The following DNAJC13 variants were observed in gnomAD, a reference collection of about 807,000 sequenced individuals.
DNAJC13 encodes the protein DnaJ heat shock protein family (Hsp40) member C13.
DNAJC13 carries 75 observed loss-of-function variants against 290.5 expected under a neutral mutation model. The ratio of observed to expected loss-of-function variants is 0.26; its 90% confidence interval spans 0.21 to 0.31. The LOEUF (loss-of-function observed/expected upper bound fraction) is 0.31. DNAJC13 is among the 10% of genes least tolerant of loss of function. The probability of loss-of-function intolerance (pLI) is 1.00; values close to 1 mark genes in which losing one functional copy is unlikely to be tolerated. For synonymous variants in DNAJC13, 862 were observed against 892.0 expected, an observed-to-expected ratio of 0.97 and a Z score of 0.60; for missense variants, 2,260 against 2,674.5, an observed-to-expected ratio of 0.85 and a Z score of 3.42.
intron 46 of DNAJC13, chr3:132,514,918 T>TAATGATACGGC: frequency 5.1e-6 from 1 of 195,434 alleles, no homozygotes; most frequent in Non-Finnish European, 9.0e-6. Context: ...ATTTTCAGTT[T>TAATGATACGGC]GTTGAGATCT....
In DNAJC13 at chr3:132,417,573, A is replaced by C. The variant is rs1212399130; in HGVS notation, c.-201A>C. 6.6e-6 allele frequency: 1 copy of C among 150,666 alleles called. No individual in the cohort carries two copies. Among genetic ancestry groups the C allele is most frequent in the Non-Finnish European group, 1.5e-5 (1 of 67,876 alleles). The allele number at this position is 150,666 out of a possible 1,614,324, so 9.3% of individuals were successfully genotyped here. ...TGAAACTCTGAGAGGCAGAGGGAGG[A>C]GGCGGAGGGGGCGGGGAGGCAGCGC... On this transcript the variant is annotated 5_prime_UTR_variant, in exon 1 of 56. Transcript: ENST00000260818.
chr3:132,468,666 T>C (rs1934082794), intron 20 of DNAJC13, among the ~76,000 whole-genome samples: 1 of 152,094 alleles, frequency 6.6e-6, no homozygotes, highest in Non-Finnish European at 1.5e-5. Flanking sequence ...ATACCTCCCT[T>C]CTCTATCTTA....
At chr3:132,427,075 ATGTGTGTGTGTGTG>A (rs10576541) in intron 1 of DNAJC13, among the ~76,000 whole-genome samples, 7 of 140,788 alleles carry the variant, frequency 5.0e-5, no homozygotes, top group Non-Finnish European at 1.1e-4. Context: ...ATATATACAT[ATGTGTGTGTGTGTG>A]TGTGTGTGTG....
intron 36 of DNAJC13, among the ~76,000 whole-genome samples, chr3:132,498,877 G>T (rs1222153354): frequency 6.6e-6 from 1 of 151,702 alleles, no homozygotes; most frequent in African/African-American, 2.4e-5. Flanking sequence ...CACCACACCC[G>T]GCTAACTTTT....
intron 29 of DNAJC13, among the ~76,000 whole-genome samples, 185 bp downstream of exon 29, chr3:132,484,857 C>G (rs1934800859): frequency 6.6e-6 from 1 of 152,054 alleles, no homozygotes; most frequent in African/African-American, 2.4e-5. Flanking sequence ...TTGCTTGAGT[C>G]AAGGAGTTCG....
At chr3:132,418,039 C>T (rs1409917852) in intron 1 of DNAJC13, among the ~76,000 whole-genome samples, 2 of 152,128 alleles carry the variant, frequency 1.3e-5, no homozygotes, top group Non-Finnish European at 2.9e-5. Context: ...CTCCACTCGC[C>T]TTAACATATC....
Position 132,511,099 on chromosome 3 carries a change from T to C in DNAJC13, c.5148T>C (p.Asp1716=). Residue 1716 remains aspartate, a synonymous_variant, in exon 44 of 56, where the codon GAT becomes GAC. Coordinates refer to ENST00000260818, the MANE Select transcript of DNAJC13 (RefSeq NM_015268.4). The part of the protein sequence containing the change: ...VPKAFAASLL[D]YIGSQAQYLH... ...AAGCATTTGCTGCAAGTCTCTTGGA[T>C]TATATAGGCTCGCAGGCCCAATACT... 1.2e-6 allele frequency: 2 copies of C among 1,613,920 alleles called. No homozygotes were observed. Among genetic ancestry groups the C allele is most frequent in the Non-Finnish European group, 1.7e-6 (2 of 1,179,840 alleles).
Position 132,538,341 on chromosome 3 carries a change from C to A in DNAJC13, c.*59C>A. Reference sequence around the variant, plus strand: ...CAGTGCCAAGTCCACATTCCTCCAGCTGATACGTTGAAGCAAACTCTTACT... The same window carrying A: ...CAGTGCCAAGTCCACATTCCTCCAGATGATACGTTGAAGCAAACTCTTACT... On this transcript the variant is annotated 3_prime_UTR_variant, in exon 56 of 56. Transcript: ENST00000260818. The A allele has an allele frequency of 7.2e-7, 1 of 1,385,622 alleles. No individual in the cohort carries two copies. The highest frequency in any genetic ancestry group is 1.0e-6 in the Non-Finnish European group (1 of 985,872). 85.8% of individuals were successfully genotyped at this position (1,385,622 alleles called of 1,614,324 possible). A position where few individuals can be genotyped will look rare whatever the true frequency, so the allele number is the denominator to read the frequency against.
chr3:132,488,275 A>T lies in DNAJC13; in HGVS notation c.3268-23A>T. 4 of 1,570,736 alleles carry T rather than the reference A, an allele frequency of 2.5e-6. No homozygotes were observed. The South Asian group carries it at 4.8e-5, about 19-fold the overall frequency. On this transcript the variant is annotated intron_variant, in intron 29 of 55. Coordinates refer to ENST00000260818, the MANE Select transcript of DNAJC13 (RefSeq NM_015268.4). ...GATGCAGGTTTTTTACAACCCAATA[A>T]AAACATTTTAATTTTTTTTCAGCTA...
At chr3:132,495,057 ATACTC>A (rs1559897204) in intron 34 of DNAJC13, 26 bp from the exon 35 acceptor site, 1 of 1,520,020 alleles carries the variant, frequency 6.6e-7, no homozygotes, top group East Asian at 2.3e-5. Context: ...GTGCCTTACT[ATACTC>A]ATAAAACAAT....
intron 43 of DNAJC13, among the ~76,000 whole-genome samples, chr3:132,508,428 T>G (rs1027910974): frequency 6.6e-6 from 1 of 152,244 alleles, no homozygotes; most frequent in African/African-American, 2.4e-5. Flanking sequence ...AATGTCTGGC[T>G]TCAAAGCTTC....
chr3:132,523,350 G>T lies in DNAJC13; in HGVS notation c.5886+151G>T, dbSNP rs944044741. 29 of 1,195,106 alleles carry T rather than the reference G, an allele frequency of 2.4e-5. No individual in the cohort carries two copies. In the African/African-American group the frequency reaches 3.7e-4, roughly 15 times the overall value. The allele number at this position is 1,195,106 out of a possible 1,614,324, so 74.0% of individuals were successfully genotyped here. A position where few individuals can be genotyped will look rare whatever the true frequency, so the allele number is the denominator to read the frequency against. Reference sequence around the variant, plus strand: ...AATAAGGCTTCAAACATAAAAATTGGAATACTTACTTTCGAAGTTAGTAAG... The same window carrying T: ...AATAAGGCTTCAAACATAAAAATTGTAATACTTACTTTCGAAGTTAGTAAG... On this transcript the variant is annotated intron_variant, in intron 50 of 55. Coordinates refer to ENST00000260818, the MANE Select transcript of DNAJC13 (RefSeq NM_015268.4).
chr3:132,451,058 A>C (rs1933400797), intron 6 of DNAJC13, among the ~76,000 whole-genome samples: 1 of 152,204 alleles, frequency 6.6e-6, no homozygotes, highest in Non-Finnish European at 1.5e-5. Flanking sequence ...GAGATAATTT[A>C]TGTAAAATGC....
chr3:132,475,872 A>G (rs1296388872), intron 22 of DNAJC13, among the ~76,000 whole-genome samples: 1 of 152,104 alleles, frequency 6.6e-6, no homozygotes, highest in Non-Finnish European at 1.5e-5. Context: ...GACCTCGTTC[A>G]TTTTTATTCA....
At position 132,482,343 on chromosome 3, in the gene DNAJC13, G is replaced by A; in HGVS notation, c.2979+13G>A. 6.2e-7 allele frequency: 1 copy of A among 1,605,350 alleles called. No homozygotes were observed. Among genetic ancestry groups the A allele is most frequent in the Non-Finnish European group, 8.5e-7 (1 of 1,173,260 alleles). On this transcript the variant is annotated intron_variant, in intron 27 of 55. Transcript: ENST00000260818. Reference sequence around the variant, plus strand: ...TGGATTTCATGAGGTATGTATCTTGGAGATACTTTTGGTGAAGGTCTCAGC... The same window carrying A: ...TGGATTTCATGAGGTATGTATCTTGAAGATACTTTTGGTGAAGGTCTCAGC...
chr3:132,512,336 A>T (rs1935801258), intron 44 of DNAJC13, among the ~76,000 whole-genome samples: 1 of 152,200 alleles, frequency 6.6e-6, no homozygotes, highest in South Asian at 2.1e-4. Context: ...TTTAAAAGCA[A>T]CATATTTATA....
At chr3:132,443,969 T>C (rs1307231550) in intron 2 of DNAJC13, among the ~76,000 whole-genome samples, 1 of 152,176 alleles carries the variant, frequency 6.6e-6, no homozygotes. Flanking sequence ...TCAGTTGCCT[T>C]AGCCACATTT....
At chr3:132,525,478 A>G (rs1936226045) in intron 51 of DNAJC13, 132 bp from the exon 52 acceptor site, 1 of 823,078 alleles carries the variant, frequency 1.2e-6, no homozygotes, top group Non-Finnish European at 1.9e-6. Context: ...TCTTAGGATT[A>G]GTGAATCTGT....
chr3:132,534,198 T>G (rs988123975), intron 55 of DNAJC13, among the ~76,000 whole-genome samples: 1 of 152,174 alleles, frequency 6.6e-6, no homozygotes, highest in Non-Finnish European at 1.5e-5. Context: ...AGAAGGCCAT[T>G]ACTGAAGCCT....
Sources: gnomAD v4.1 joint callset for allele counts (sites outside exome capture counted in the v4.1 genomes callset) on GRCh38, gnomAD v4.1.1 for gene constraint, MANE v1.5 for transcripts, NCBI Gene and HGNC (gene_info 2026-07-23, HGNC 2026-07-21) for gene names.